RFX7: variants seen among roughly 807,000 people sequenced by gnomAD.
RFX7 encodes the protein regulatory factor X7.
In RFX7, 26 loss-of-function variants were observed where a neutral mutation model predicts 111.8. The observed-to-expected ratio is 0.23, with a 90% CI of 0.17 to 0.32. The LOEUF is 0.32. Ranked by LOEUF, RFX7 falls within the 10% of genes least tolerant of loss-of-function variation. The pLI, the probability that RFX7 is intolerant of heterozygous loss-of-function variation, is 1.00. For synonymous variants in RFX7, 624 were observed against 624.4 expected (o/e 1.00, Z 0.01); for missense variants, 1,573 against 1,772.9 (o/e 0.89, Z 2.02).
chr15:56,143,156 T>G (rs532858114), intron 4 of RFX7, among the ~76,000 whole-genome samples: 2 of 152,208 alleles, frequency 1.3e-5, no homozygotes, highest in Middle Eastern at 3.4e-3. Context: ...TTTGTTTTGG[T>G]CAAAAATCAC....
chr15:56,231,631 T>C lies in RFX7; in HGVS notation c.161+11494A>G, dbSNP rs377605639. On this transcript the variant is annotated intron_variant, in intron 2 of 9. Coordinates refer to ENST00000559447, the MANE Select transcript of RFX7 (RefSeq NM_022841.7). The stretch of plus-strand genomic sequence containing the variant: ...AGAGCCAAACCATTTCATTCCACCC[T>C]GCCCCCCTCAAATCTCATGTCCTCA... Among the ~76,000 whole-genome samples, 4 of 152,260 alleles carry C rather than the reference T, an allele frequency of 2.6e-5. No homozygotes were observed. In the East Asian group the frequency reaches 7.7e-4, roughly 29 times the overall value.
chr15:56,121,212 CT>C (rs1392641594), intron 5 of RFX7, among the ~76,000 whole-genome samples: 2 of 152,092 alleles, frequency 1.3e-5, no homozygotes, highest in African/African-American at 2.4e-5. Context: ...CTGTGAAAAT[CT>C]TTTTATTTCC....
chr15:56,128,496 A>G (rs2042173439), intron 5 of RFX7, among the ~76,000 whole-genome samples: 1 of 152,224 alleles, frequency 6.6e-6, no homozygotes, highest in African/African-American at 2.4e-5. Context: ...AATCATCTCA[A>G]TAGATGCAGA....
Position 56,089,749 on chromosome 15 carries a change from T to A in RFX7, c.*3596A>T, listed in dbSNP as rs1312953805. On this transcript the variant is annotated 3_prime_UTR_variant, in exon 10 of 10. Coordinates refer to ENST00000559447, the MANE Select transcript of RFX7 (RefSeq NM_022841.7). ...TTCTTCAAGTACTTTTGAATTTTGA[T>A]CTGCAGGCTCAGCTTTCATGGGAGC... The A allele has an allele frequency of 6.6e-6, 1 of 152,180 alleles. No individual in the cohort carries two copies. The highest frequency in any genetic ancestry group is 1.5e-5 in the Non-Finnish European group (1 of 68,022). The allele number at this position is 152,180 out of a possible 1,614,324, so 9.4% of individuals were successfully genotyped here. A position where few individuals can be genotyped will look rare whatever the true frequency, so the allele number is the denominator to read the frequency against.
chr15:56,145,190 C>T (rs538756658), intron 3 of RFX7, among the ~76,000 whole-genome samples: 1 of 152,284 alleles, frequency 6.6e-6, no homozygotes, highest in African/African-American at 2.4e-5. Flanking sequence ...TACCTTTCTT[C>T]TAAACTCAGT....
intron 2 of RFX7, among the ~76,000 whole-genome samples, chr15:56,234,249 G>C: frequency 6.6e-6 from 1 of 152,138 alleles, no homozygotes; most frequent in East Asian, 1.9e-4. Flanking sequence ...CACAAAAGAG[G>C]GTGAATGTTT....
At chr15:56,170,689 T>C (rs368560317) in intron 3 of RFX7, among the ~76,000 whole-genome samples, 30 of 152,194 alleles carry the variant, frequency 2.0e-4, no homozygotes, top group Middle Eastern at 3.2e-3. Flanking sequence ...AATTAAAAGT[T>C]CAATTCCTCA....
At chr15:56,206,630 T>A (rs1375602016) in intron 2 of RFX7, among the ~76,000 whole-genome samples, 1 of 152,066 alleles carries the variant, frequency 6.6e-6, no homozygotes, top group Non-Finnish European at 1.5e-5. Flanking sequence ...GAATGGATAA[T>A]GTGGTACATA....
chr15:56,140,207 C>T (rs531027650), intron 5 of RFX7, among the ~76,000 whole-genome samples: 17 of 152,190 alleles, frequency 1.1e-4, no homozygotes, highest in Non-Finnish European at 1.6e-4. Flanking sequence ...GGGCGCCCCT[C>T]CCCCAGCCTC....
intron 3 of RFX7, among the ~76,000 whole-genome samples, chr15:56,154,647 C>A (rs1274795125): frequency 6.6e-6 from 1 of 152,198 alleles, no homozygotes; most frequent in Non-Finnish European, 1.5e-5. Context: ...GGATCAAAGA[C>A]TTAAACGTAA....
At chr15:56,152,574 G>C (rs975768133) in intron 3 of RFX7, among the ~76,000 whole-genome samples, 1 of 152,110 alleles carries the variant, frequency 6.6e-6, no homozygotes, top group Non-Finnish European at 1.5e-5. Context: ...GAAATTTATA[G>C]CACTAAATGC....
At chr15:56,206,669 A>G (rs1313776987) in intron 2 of RFX7, among the ~76,000 whole-genome samples, 2 of 152,188 alleles carry the variant, frequency 1.3e-5, no homozygotes, top group Non-Finnish European at 2.9e-5. Flanking sequence ...TCAGCCATAA[A>G]AAAGAACAAC....
Position 56,127,551 on chromosome 15 carries a change from T to TTA in RFX7, c.401+15226_401+15227insTA, listed in dbSNP as rs1491203991. ...CCCCAAAATTGTTTTTTTGAAAAGA[T>TTA]TTTTTTTTTTTTTTGAGACGGAGTT... On this transcript the variant is annotated intron_variant, in intron 5 of 9. Coordinates refer to ENST00000559447, the MANE Select transcript of RFX7 (RefSeq NM_022841.7). Among the ~76,000 whole-genome samples, 3 of 43,926 alleles carry TTA rather than the reference T, an allele frequency of 6.8e-5. No individual in the cohort carries two copies. In the East Asian group the frequency reaches 0.023, roughly 343 times the overall value. 28.8% of individuals were successfully genotyped at this position (43,926 alleles called of 152,430 possible). A position where few individuals can be genotyped will look rare whatever the true frequency, so the allele number is the denominator to read the frequency against.
intron 3 of RFX7, among the ~76,000 whole-genome samples, chr15:56,169,807 T>G (rs1161273888): frequency 6.6e-6 from 1 of 150,414 alleles, no homozygotes; most frequent in Non-Finnish European, 1.5e-5. Flanking sequence ...CCACGAGCAC[T>G]CTGGGGATGA....
At chr15:56,141,665 A>G (rs1224079519) in intron 5 of RFX7, among the ~76,000 whole-genome samples, 2 of 129,950 alleles carry the variant, frequency 1.5e-5, no homozygotes, top group Non-Finnish European at 1.6e-5. Flanking sequence ...AAATATATAT[A>G]TATATATATA....
At chr15:56,244,810 C>G (rs116341593), upstream of RFX7, among the ~76,000 whole-genome samples, 641 of 151,024 alleles carry the variant, frequency 4.2e-3, 4 homozygotes, top group African/African-American at 0.015. Flanking sequence ...CCCGCAGACT[C>G]CGCACCATTC....
At chr15:56,175,353 T>C (rs927355012) in intron 3 of RFX7, among the ~76,000 whole-genome samples, 3 of 152,206 alleles carry the variant, frequency 2.0e-5, no homozygotes, top group Admixed American at 6.5e-5. Context: ...TGTGTCCAAA[T>C]TGATCTATAA....
chr15:56,204,019 C>CTTTT (rs139030100), intron 2 of RFX7, among the ~76,000 whole-genome samples: 7 of 120,824 alleles, frequency 5.8e-5, no homozygotes, highest in African/African-American at 1.6e-4. Context: ...GTAACAAAAC[C>CTTTT]TTTTTTTTTT....
chr15:56,135,709 G>T (rs1189762082), intron 5 of RFX7, among the ~76,000 whole-genome samples: 2 of 152,128 alleles, frequency 1.3e-5, no homozygotes, highest in East Asian at 1.9e-4. Context: ...GTCCTGAATG[G>T]TAATGCCTAG....
Sources: allele counts gnomAD v4.1 joint callset (sites outside exome capture counted in the v4.1 genomes callset), GRCh38; gene constraint gnomAD v4.1.1; transcripts MANE v1.5; gene names NCBI Gene and HGNC (gene_info 2026-07-23, HGNC 2026-07-21).